The following COA1 variants were observed in gnomAD, a reference collection of about 807,000 sequenced individuals.
COA1 encodes the protein cytochrome c oxidase assembly factor 1.
COA1 carries 13 observed loss-of-function variants against 16.0 expected under a neutral mutation model. The observed-to-expected ratio is 0.81, with a 90% CI of 0.53 to 1.29. COA1 has a LOEUF of 1.29. COA1 is among the 50% of genes most tolerant of loss of function. The pLI is 0.00. For synonymous variants in COA1, 65 were observed against 65.7 expected (o/e 0.99, Z 0.05); for missense variants, 179 against 177.0 (o/e 1.01, Z -0.06).
At chr7:43,667,465 G>T (rs1194798494) in intron 1 of COA1, among the ~76,000 whole-genome samples, 2 of 152,092 alleles carry the variant, frequency 1.3e-5, no homozygotes, top group Non-Finnish European at 1.5e-5. Flanking sequence ...CTAAGTATAT[G>T]CTATCAATCA....
At chr7:43,624,403 AT>A (rs1349955183) in intron 6 of COA1, 1 of 1,029,506 alleles carries the variant, frequency 9.7e-7, no homozygotes, top group Non-Finnish European at 1.3e-6. Flanking sequence ...TCACAGTAAG[AT>A]TTTTGCCAAC....
At chr7:43,691,411 G>A (rs1443906336) in intron 1 of COA1, among the ~76,000 whole-genome samples, 1,239 of 104,318 alleles carry the variant, frequency 0.012, 29 homozygotes, top group Admixed American at 0.019. Flanking sequence ...AAGGAAGGAA[G>A]GAAGAAAGAA....
intron 1 of COA1, among the ~76,000 whole-genome samples, chr7:43,720,561 T>A (rs1008644650): frequency 6.6e-6 from 1 of 152,172 alleles, no homozygotes; most frequent in African/African-American, 2.4e-5. Flanking sequence ...GGGGTAATAA[T>A]ATATCCTGGC....
chr7:43,674,601 A>G (rs948234141), intron 1 of COA1, among the ~76,000 whole-genome samples: 4 of 152,244 alleles, frequency 2.6e-5, no homozygotes, highest in Admixed American at 1.3e-4. Flanking sequence ...CTTGTGTTAG[A>G]AAAGAATTAA....
At chr7:43,630,750 C>G (rs1180833857) in intron 6 of COA1, among the ~76,000 whole-genome samples, 1 of 152,150 alleles carries the variant, frequency 6.6e-6, no homozygotes, top group Non-Finnish European at 1.5e-5. Flanking sequence ...GATATTTGCA[C>G]AATGTATATC....
chr7:43,650,089 G>C (rs2090445250), intron 1 of COA1: 1 of 152,432 alleles, frequency 6.6e-6, no homozygotes, highest in Admixed American at 6.5e-5. Flanking sequence ...AGCATGTCCA[G>C]AAATGGAGGG....
At chr7:43,681,373 T>C (rs898609735) in intron 1 of COA1, among the ~76,000 whole-genome samples, 10 of 152,238 alleles carry the variant, frequency 6.6e-5, no homozygotes, top group African/African-American at 1.2e-4. Flanking sequence ...GAGGTCATAT[T>C]TTTTGCTCTG....
chr7:43,620,673 C>CA (rs34416780), intron 6 of COA1, among the ~76,000 whole-genome samples: 70,712 of 131,096 alleles, frequency 0.54, 19,137 homozygotes, highest in Non-Finnish European at 0.64. Context: ...GACTCCGTCT[C>CA]AAAAAAAAAA....
chr7:43,640,522 A>G (rs773571754), intron 5 of COA1, 51 bp downstream of exon 5: 8 of 1,287,168 alleles, frequency 6.2e-6, no homozygotes, highest in Middle Eastern at 1.8e-4. Flanking sequence ...GGTTGCTTTC[A>G]TCAGGAAGTC....
At chr7:43,650,427 T>A (rs1033346862) in intron 1 of COA1, 3 of 152,140 alleles carry the variant, frequency 2.0e-5, no homozygotes, top group African/African-American at 7.2e-5. Context: ...GAAATGAAGA[T>A]AAATGAAAAA....
At chr7:43,716,746 G>A (rs775152391) in intron 1 of COA1, among the ~76,000 whole-genome samples, 6 of 152,118 alleles carry the variant, frequency 3.9e-5, no homozygotes, top group Non-Finnish European at 4.4e-5. Flanking sequence ...AGACTTTCAC[G>A]GCAGCCCCTC....
At chr7:43,727,141 A>T (rs1244798897) in intron 1 of COA1, among the ~76,000 whole-genome samples, 1 of 152,266 alleles carries the variant, frequency 6.6e-6, no homozygotes, top group African/African-American at 2.4e-5. Flanking sequence ...TTACATGTCA[A>T]CGAAAAAGAA....
chr7:43,728,290 G>A lies in COA1; in HGVS notation c.-39+1139C>T, dbSNP rs549983569. Among the ~76,000 whole-genome samples the A allele has an allele frequency of 5.3e-5, 8 of 152,254 alleles. No homozygotes were observed. In the East Asian group the frequency reaches 1.5e-3, roughly 29 times the overall value. ...CTACGTTTTAAATGGTGAACTCTAC[G>A]GTAGGTGAACTATGTGTCAGGAAGC... On this transcript the variant is annotated intron_variant, in intron 1 of 5. Coordinates refer to ENST00000223336, the MANE Select transcript of COA1 (RefSeq NM_018224.4).
At chr7:43,698,080 C>G (rs1659459829) in intron 1 of COA1, among the ~76,000 whole-genome samples, 1 of 152,118 alleles carries the variant, frequency 6.6e-6, no homozygotes, top group South Asian at 2.1e-4. Flanking sequence ...GAAAAATTAC[C>G]AAGATCACTT....
chr7:43,661,636 C>CA (rs200678255), intron 1 of COA1, among the ~76,000 whole-genome samples: 3,548 of 133,232 alleles, frequency 0.027, 147 homozygotes, highest in African/African-American at 0.082. Context: ...GACTCCATCT[C>CA]AAAAAAAAAA....
intron 1 of COA1, among the ~76,000 whole-genome samples, chr7:43,719,310 G>A (rs2095459384): frequency 6.6e-6 from 1 of 152,096 alleles, no homozygotes; most frequent in African/African-American, 2.4e-5. Context: ...CAGCAGGAAT[G>A]AACTGCCTTG....
At chr7:43,706,578 A>G (rs2094986885) in intron 1 of COA1, among the ~76,000 whole-genome samples, 1 of 149,102 alleles carries the variant, frequency 6.7e-6, no homozygotes, top group African/African-American at 2.5e-5. Context: ...TAAAAAAATA[A>G]AAAAACCCAG....
chr7:43,643,238 C>CG lies in COA1; in HGVS notation c.264+2012_264+2013insC, dbSNP rs1425033666. Among the ~76,000 whole-genome samples, 191 of 152,354 alleles carry CG rather than the reference C, an allele frequency of 1.3e-3. 1 individual carries two copies. Among genetic ancestry groups the CG allele is most frequent in the African/African-American group, 4.5e-3 (188 of 41,588 alleles). ...AAAACCACCATGGCCTTACCCTACT[C>CG]TCACTGGGGTTCCTGGAGCACCAGA... On this transcript the variant is annotated intron_variant, in intron 4 of 5. Coordinates refer to ENST00000223336, the MANE Select transcript of COA1 (RefSeq NM_018224.4).
chr7:43,636,659 A>G (rs2085927265), downstream of COA1, among the ~76,000 whole-genome samples: 1 of 152,196 alleles, frequency 6.6e-6, no homozygotes, highest in Non-Finnish European at 1.5e-5. Context: ...GTTCCTGTAT[A>G]CAAATTTTAC....
Sources: gnomAD v4.1 joint callset for allele counts (sites outside exome capture counted in the v4.1 genomes callset) on GRCh38, gnomAD v4.1.1 for gene constraint, MANE v1.5 for transcripts, NCBI Gene and HGNC (gene_info 2026-07-23, HGNC 2026-07-21) for gene names.